Variants in NPSR1 observed in about 807,000 individuals in gnomAD.
NPSR1 encodes neuropeptide S receptor.
In NPSR1, 48 loss-of-function variants were observed where a neutral mutation model predicts 46.9. The observed-to-expected ratio is 1.02, with a 90% confidence interval of 0.81 to 1.30. The LOEUF (loss-of-function observed/expected upper bound fraction) is 1.30. Among genes scored for constraint, NPSR1 ranks in the 50% most tolerant of loss-of-function variants. The pLI is 0.00. For missense variants in NPSR1, 450 were observed against 449.5 expected, an observed-to-expected ratio of 1.00 and a Z score of -0.01; for synonymous variants, 176 against 168.1, an observed-to-expected ratio of 1.05 and a Z score of -0.36.
intron 3 of NPSR1, among the ~76,000 whole-genome samples, chr7:34,794,300 A>G (rs1584039372): frequency 2.0e-5 from 3 of 152,302 alleles, no homozygotes; most frequent in African/African-American, 7.2e-5. Flanking sequence ...GCATTACACA[A>G]TATATACACA....
At chr7:34,734,467 C>T (rs1011372833) in intron 2 of NPSR1, among the ~76,000 whole-genome samples, 2 of 151,864 alleles carry the variant, frequency 1.3e-5, no homozygotes, top group Non-Finnish European at 1.5e-5. Flanking sequence ...ATGATAGGGT[C>T]GAAAATATTA....
intron 7 of NPSR1, among the ~76,000 whole-genome samples, chr7:34,848,196 T>A (rs962534227): frequency 2.0e-5 from 3 of 152,222 alleles, no homozygotes; most frequent in Non-Finnish European, 4.4e-5. Flanking sequence ...TTCCTGGGGT[T>A]TCTATAAAGA....
At chr7:34,711,755 TC>T (rs1444601226) in intron 2 of NPSR1, among the ~76,000 whole-genome samples, 1 of 152,260 alleles carries the variant, frequency 6.6e-6, no homozygotes. Flanking sequence ...CTCTCTACTG[TC>T]ACTGTTTGGG....
At chr7:34,754,759 G>A (rs553875855) in intron 2 of NPSR1, among the ~76,000 whole-genome samples, 70 of 152,140 alleles carry the variant, frequency 4.6e-4, no homozygotes, top group Non-Finnish European at 7.8e-4. Flanking sequence ...ACCTCAAAAA[G>A]AAGGCAAATA....
At chr7:34,875,489 C>T (rs570963882) in intron 8 of NPSR1, among the ~76,000 whole-genome samples, 7 of 152,194 alleles carry the variant, frequency 4.6e-5, no homozygotes, top group Non-Finnish European at 1.0e-4. Flanking sequence ...CAAATTCAGG[C>T]AGATCACTAA....
chr7:34,700,293 A>G (rs1793755172), intron 2 of NPSR1, among the ~76,000 whole-genome samples: 1 of 152,240 alleles, frequency 6.6e-6, no homozygotes, highest in Non-Finnish European at 1.5e-5. Flanking sequence ...CAGAGGTAGT[A>G]TAACTCAGTG....
chr7:34,668,143 TC>T (rs760548977), intron 1 of NPSR1, among the ~76,000 whole-genome samples: 1 of 151,960 alleles, frequency 6.6e-6, no homozygotes, highest in Non-Finnish European at 1.5e-5. Flanking sequence ...ACCCAAGATA[TC>T]CCCACAGCAC....
chr7:34,706,935 T>C (rs955984666), intron 2 of NPSR1, among the ~76,000 whole-genome samples: 7 of 152,276 alleles, frequency 4.6e-5, no homozygotes, highest in African/African-American at 1.7e-4. Flanking sequence ...GCCATCATTG[T>C]TTCCTCCACC....
chr7:34,685,086 A>G (rs141094415), intron 2 of NPSR1, among the ~76,000 whole-genome samples: 4 of 152,322 alleles, frequency 2.6e-5, no homozygotes, highest in African/African-American at 9.6e-5. Flanking sequence ...TTAAGTCTTG[A>G]GTACTTTGCA....
At chr7:34,742,384 C>T (rs996242914) in intron 2 of NPSR1, among the ~76,000 whole-genome samples, 2 of 152,168 alleles carry the variant, frequency 1.3e-5, no homozygotes, top group African/African-American at 4.8e-5. Flanking sequence ...AAGTTCTCAT[C>T]ATTTAGCTCA....
At chr7:34,780,616 T>C (rs1485938259) in intron 3 of NPSR1, among the ~76,000 whole-genome samples, 1 of 152,186 alleles carries the variant, frequency 6.6e-6, no homozygotes, top group Non-Finnish European at 1.5e-5. Flanking sequence ...AAAATGAGCT[T>C]TGCGGTGCTT....
chr7:34,707,838 G>A (rs1022047074), intron 2 of NPSR1, among the ~76,000 whole-genome samples: 3 of 151,882 alleles, frequency 2.0e-5, no homozygotes, highest in African/African-American at 7.3e-5. Context: ...AGATTGGGCA[G>A]CTTAAACAAC....
intron 3 of NPSR1, among the ~76,000 whole-genome samples, chr7:34,804,804 AC>A (rs1449338099): frequency 2.6e-5 from 4 of 152,054 alleles, no homozygotes; most frequent in African/African-American, 9.6e-5. Flanking sequence ...ATAAAAACAA[AC>A]AAAAAAGAAA....
intron 8 of NPSR1, among the ~76,000 whole-genome samples, chr7:34,874,444 G>T (rs1162531644): frequency 6.6e-6 from 1 of 152,006 alleles, no homozygotes; most frequent in Non-Finnish European, 1.5e-5. Flanking sequence ...AATGGGCACC[G>T]GTTAAAATAA....
intron 2 of NPSR1, among the ~76,000 whole-genome samples, chr7:34,695,334 G>A (rs1301570384): frequency 6.6e-6 from 1 of 152,034 alleles, no homozygotes; most frequent in Non-Finnish European, 1.5e-5. Context: ...AGACTTAAAT[G>A]TAAGATCTGA....
At chr7:34,875,510 C>T (rs931709734) in intron 8 of NPSR1, among the ~76,000 whole-genome samples, 5 of 152,150 alleles carry the variant, frequency 3.3e-5, no homozygotes, top group Non-Finnish European at 7.4e-5. Context: ...GTTCTCTGGC[C>T]CTGGGGCTCC....
chr7:34,791,044 A>ATATGTTATAT (rs1787806947), intron 3 of NPSR1, among the ~76,000 whole-genome samples: 9 of 112,336 alleles, frequency 8.0e-5, no homozygotes, highest in African/African-American at 3.6e-4. Context: ...ATATTATATT[A>ATATGTTATAT]TATATGTTAT....
At chr7:34,694,638 G>A (rs538592375) in intron 2 of NPSR1, among the ~76,000 whole-genome samples, 1 of 152,286 alleles carries the variant, frequency 6.6e-6, no homozygotes, top group South Asian at 2.1e-4. Context: ...TATTACAAAT[G>A]CCATTTTTCA....
At chr7:34,671,213 T>A (rs1792038528) in intron 1 of NPSR1, among the ~76,000 whole-genome samples, 1 of 152,144 alleles carries the variant, frequency 6.6e-6, no homozygotes, top group Admixed American at 6.6e-5. Flanking sequence ...ATTTCAAGTT[T>A]TATATACACT....
Sources: allele counts gnomAD v4.1 joint callset (sites outside exome capture counted in the v4.1 genomes callset), GRCh38; gene constraint gnomAD v4.1.1; transcripts MANE v1.5; gene names NCBI Gene and HGNC (gene_info 2026-07-23, HGNC 2026-07-21).